The following DENND1A variants were observed in gnomAD, a reference collection of about 807,000 sequenced individuals.
The protein encoded by DENND1A is DENN domain-containing protein 1A.
Under a neutral mutation model 113.7 loss-of-function variants are expected in DENND1A, and 51 were observed. The ratio of observed to expected loss-of-function variants is 0.45; its 90% CI spans 0.36 to 0.57. The LOEUF (loss-of-function observed/expected upper bound fraction) is 0.57. Ranked by LOEUF, DENND1A falls within the 20% of genes least tolerant of loss-of-function variation. The probability of loss-of-function intolerance (pLI) is 0.00; values close to 1 mark genes in which losing one functional copy is unlikely to be tolerated. For missense variants in DENND1A, 1,258 were observed against 1,395.9 expected (o/e 0.90, Z 1.57); for synonymous variants, 565 against 570.8 (o/e 0.99, Z 0.14).
intron 11 of DENND1A, among the ~76,000 whole-genome samples, chr9:123,607,573 T>C (rs2060229874): frequency 7.4e-6 from 1 of 135,132 alleles, no homozygotes; most frequent in African/African-American, 2.8e-5. Context: ...TGTGTGTGTG[T>C]GTGTGTGCAG....
At chr9:123,388,008 T>C in intron 21 of DENND1A, 150 bp from the exon 22 acceptor site, 1 of 754,390 alleles carries the variant, frequency 1.3e-6, no homozygotes, top group Non-Finnish European at 1.8e-6. Context: ...GAGAGGAAGC[T>C]CGTTCCAGAT....
At chr9:123,865,414 G>GT (rs1391354212) in intron 2 of DENND1A, among the ~76,000 whole-genome samples, 4 of 152,202 alleles carry the variant, frequency 2.6e-5, no homozygotes, top group African/African-American at 9.7e-5. Flanking sequence ...GCTGTTAGAG[G>GT]TAAGAAAGAA....
chr9:123,798,754 A>G (rs1834160359), intron 2 of DENND1A, among the ~76,000 whole-genome samples: 2 of 151,232 alleles, frequency 1.3e-5, no homozygotes, highest in South Asian at 4.2e-4. Flanking sequence ...AAAAAATCAA[A>G]AGGATATGTT....
intron 13 of DENND1A, among the ~76,000 whole-genome samples, chr9:123,517,052 T>C (rs1295072922): frequency 1.3e-5 from 2 of 151,606 alleles, no homozygotes; most frequent in East Asian, 3.9e-4. Flanking sequence ...TAAAATTCAA[T>C]GAATCTTTAT....
intron 20 of DENND1A, 100 bp from the exon 21 acceptor site, chr9:123,403,590 T>C: frequency 9.1e-7 from 1 of 1,095,926 alleles, no homozygotes; most frequent in East Asian, 2.6e-5. Context: ...CCAAAAAACG[T>C]TTAGGGATTT....
intron 19 of DENND1A, chr9:123,414,191 C>T: frequency 9.5e-7 from 1 of 1,057,606 alleles, no homozygotes; most frequent in Non-Finnish European, 1.2e-6. Context: ...CATTCCAAGC[C>T]TTACTGTCCT....
At chr9:123,529,005 ACT>A (rs1359650933) in intron 13 of DENND1A, among the ~76,000 whole-genome samples, 1 of 152,008 alleles carries the variant, frequency 6.6e-6, no homozygotes, top group Non-Finnish European at 1.5e-5. Flanking sequence ...TCGTTGTGTC[ACT>A]CTCTTATTTA....
intron 2 of DENND1A, among the ~76,000 whole-genome samples, chr9:123,818,531 C>T (rs1045987826): frequency 1.2e-4 from 15 of 122,392 alleles, no homozygotes; most frequent in African/African-American, 4.4e-4. Context: ...CACACACACA[C>T]ACACACACAC....
chr9:123,726,714 G>T (rs2067735951), intron 5 of DENND1A, among the ~76,000 whole-genome samples: 1 of 152,188 alleles, frequency 6.6e-6, no homozygotes, highest in Non-Finnish European at 1.5e-5. Flanking sequence ...GTGAAGAAAA[G>T]ATCTTAAATA....
At chr9:123,612,528 T>C (rs2137834782) in intron 10 of DENND1A, among the ~76,000 whole-genome samples, 1 of 152,366 alleles carries the variant, frequency 6.6e-6, no homozygotes, top group Non-Finnish European at 1.5e-5. Flanking sequence ...ATAAAGTGCA[T>C]ACATTGTTTT....
chr9:123,510,592 G>C (rs2053374679), intron 13 of DENND1A, among the ~76,000 whole-genome samples: 1 of 152,234 alleles, frequency 6.6e-6, no homozygotes, highest in African/African-American at 2.4e-5. Flanking sequence ...ACACAGCACA[G>C]GTGGTAGAGT....
chr9:123,751,777 G>A (rs1239399486), intron 5 of DENND1A: 12 of 152,106 alleles, frequency 7.9e-5, no homozygotes, highest in Non-Finnish European at 1.8e-4. Flanking sequence ...ACTGCCTAGA[G>A]AGCTGTTCTC....
Position 123,676,773 on chromosome 9 carries a change from C to T in DENND1A, c.319G>A (p.Glu107Lys), listed in dbSNP as rs780923591. Residue 107 changes from glutamate (E) to lysine (K), a missense_variant, in exon 6 of 24, where the codon GAG becomes AAG. Transcript: ENST00000394215. The part of the protein sequence containing the change: ...FCILSYLPWF[E>K]VFYKLLNILA... Reference sequence around the variant, plus strand: ...ATGTTAAGCAGCTTATAAAATACCTCGAACCAGGGGAGATAGCTGGAGGAA... The same window carrying T: ...ATGTTAAGCAGCTTATAAAATACCTTGAACCAGGGGAGATAGCTGGAGGAA... The T allele has an allele frequency of 5.0e-6, 8 of 1,613,854 alleles. No individual in the cohort carries two copies. The highest frequency in any genetic ancestry group is 1.7e-5 in the Admixed American group (1 of 60,008).
At chr9:123,887,659 G>C (rs867531867) in intron 1 of DENND1A, among the ~76,000 whole-genome samples, 1 of 151,820 alleles carries the variant, frequency 6.6e-6, no homozygotes, top group African/African-American at 2.4e-5. Context: ...TTCCCAGAGT[G>C]AGTGGGAGTC....
At chr9:123,632,194 C>T (rs2061505034) in intron 9 of DENND1A, among the ~76,000 whole-genome samples, 1 of 151,844 alleles carries the variant, frequency 6.6e-6, no homozygotes, top group Non-Finnish European at 1.5e-5. Context: ...CTACTCCCCA[C>T]CCCCACCTGC....
intron 10 of DENND1A, among the ~76,000 whole-genome samples, chr9:123,624,775 GT>G (rs1360292217): frequency 6.6e-6 from 1 of 152,128 alleles, no homozygotes; most frequent in East Asian, 1.9e-4. Flanking sequence ...GCTGGTAACA[GT>G]TTTTCAGAGT....
chr9:123,379,902 C>CTAAG lies in DENND1A; in HGVS notation c.*1526_*1529dup, dbSNP rs2042191807. Reference sequence around the variant, plus strand: ...GAAACTGGAATCTATGCTGAAACACCTAAGTGCCCAGGAGGTGCCCCCATG... The same window carrying CTAAG: ...GAAACTGGAATCTATGCTGAAACACCTAAGTAAGTGCCCAGGAGGTGCCCCCATG... On this transcript the variant is annotated 3_prime_UTR_variant, in exon 24 of 24. Transcript: ENST00000394215. 1 of 152,350 alleles carries CTAAG rather than the reference C, an allele frequency of 6.6e-6. No homozygotes were observed. The highest frequency in any genetic ancestry group is 2.1e-4 in the South Asian group (1 of 4,834). The allele number at this position is 152,350 out of a possible 1,614,324, so 9.4% of individuals were successfully genotyped here.
intron 18 of DENND1A, 42 bp from the exon 19 acceptor site, chr9:123,440,533 G>C: frequency 6.6e-7 from 1 of 1,522,240 alleles, no homozygotes; most frequent in Non-Finnish European, 8.7e-7. Flanking sequence ...CTGGGGTTCT[G>C]GCACCCATGT....
intron 2 of DENND1A, among the ~76,000 whole-genome samples, chr9:123,859,265 C>A (rs1364865650): frequency 2.0e-5 from 3 of 152,094 alleles, no homozygotes; most frequent in Admixed American, 6.6e-5. Context: ...GTCATTAAAA[C>A]ACAAATCTAT....
Sources: allele counts gnomAD v4.1 joint callset (sites outside exome capture counted in the v4.1 genomes callset), GRCh38; gene constraint gnomAD v4.1.1; transcripts MANE v1.5; gene names NCBI Gene and HGNC (gene_info 2026-07-23, HGNC 2026-07-21).